TMC1: variants seen among roughly 807,000 people sequenced by gnomAD.
TMC1 encodes the protein transmembrane channel like 1.
In TMC1, 84 loss-of-function variants were observed where a neutral mutation model predicts 105.8. The ratio of observed to expected loss-of-function variants is 0.79; its 90% CI spans 0.67 to 0.95. TMC1 has a LOEUF of 0.95. Ranked by LOEUF, TMC1 falls within the 40% of genes least tolerant of loss-of-function variation. The probability of loss-of-function intolerance (pLI) is 0.00; values close to 1 mark genes in which losing one functional copy is unlikely to be tolerated. For missense variants in TMC1, 817 were observed against 914.1 expected (o/e 0.89, Z 1.37); for synonymous variants, 315 against 311.5 (o/e 1.01, Z -0.12).
At chr9:72,751,702 A>G (rs1827582359) in intron 10 of TMC1, 148 bp from the exon 11 acceptor site, 1 of 640,560 alleles carries the variant, frequency 1.6e-6, no homozygotes, top group South Asian at 1.8e-5. Flanking sequence ...TCCTGAATAG[A>G]GAGAAAAGAA....
intron 4 of TMC1, 116 bp from the exon 5 acceptor site, chr9:72,648,481 A>T: frequency 1.4e-6 from 1 of 695,156 alleles, no homozygotes; most frequent in Non-Finnish European, 2.6e-6. Flanking sequence ...TGAGGAAATG[A>T]GTACCTTCTT....
chr9:72,821,427 AG>A (rs1467030002), intron 20 of TMC1, among the ~76,000 whole-genome samples: 1 of 151,732 alleles, frequency 6.6e-6, no homozygotes, highest in African/African-American at 2.4e-5. Context: ...ACTTGAGCTC[AG>A]GAGGCGGAGG....
intron 13 of TMC1, among the ~76,000 whole-genome samples, chr9:72,777,306 A>G (rs997652274): frequency 1.3e-5 from 2 of 151,936 alleles, no homozygotes; most frequent in African/African-American, 4.8e-5. Flanking sequence ...TCCCACCCCC[A>G]ATTAATTTTT....
At chr9:72,565,460 T>C (rs1269703248) in intron 1 of TMC1, among the ~76,000 whole-genome samples, 1 of 152,178 alleles carries the variant, frequency 6.6e-6, no homozygotes, top group East Asian at 1.9e-4. Flanking sequence ...ACTGACTCTA[T>C]GTGTAAGAAA....
At chr9:72,702,296 C>G (rs978985342) in intron 8 of TMC1, among the ~76,000 whole-genome samples, 3 of 152,126 alleles carry the variant, frequency 2.0e-5, no homozygotes, top group Admixed American at 2.0e-4. Flanking sequence ...AAATACCCCC[C>G]TGGTCTTTGC....
intron 5 of TMC1, among the ~76,000 whole-genome samples, chr9:72,685,440 T>G (rs1826365190): frequency 6.6e-6 from 1 of 150,558 alleles, no homozygotes; most frequent in Admixed American, 6.6e-5. Flanking sequence ...CTCGGCTCAC[T>G]GCAACCTCTG....
At chr9:72,602,054 C>T (rs1296157590) in intron 2 of TMC1, among the ~76,000 whole-genome samples, 5 of 152,102 alleles carry the variant, frequency 3.3e-5, no homozygotes, top group African/African-American at 9.7e-5. Context: ...GCACCTGTCA[C>T]GTGAGGTCAG....
intron 23 of TMC1, among the ~76,000 whole-genome samples, chr9:72,832,826 ATAATT>A (rs1193408844): frequency 1.3e-5 from 2 of 152,146 alleles, no homozygotes; most frequent in African/African-American, 2.4e-5. Context: ...ACATGTGTGC[ATAATT>A]TAGAGTTCCA....
intron 8 of TMC1, among the ~76,000 whole-genome samples, chr9:72,708,120 T>A (rs1438806971): frequency 6.6e-6 from 1 of 152,252 alleles, no homozygotes; most frequent in African/African-American, 2.4e-5. Context: ...TCCATTGGTC[T>A]ATGTGCCTAT....
chr9:72,778,702 C>G (rs899214282), intron 13 of TMC1, among the ~76,000 whole-genome samples: 4 of 152,188 alleles, frequency 2.6e-5, no homozygotes, highest in Non-Finnish European at 5.9e-5. Flanking sequence ...GGCTGTCTTG[C>G]CCATGGAATG....
chr9:72,713,216 G>A lies in TMC1; in HGVS notation c.362+12573G>A, dbSNP rs895283522. Among the ~76,000 whole-genome samples the A allele has an allele frequency of 3.3e-5, 5 of 152,122 alleles. No individual in the cohort carries two copies. In the East Asian group the frequency reaches 9.6e-4, roughly 29 times the overall value. The stretch of plus-strand genomic sequence containing the variant: ...GATCTTTGCATTGATGTTCATCAGG[G>A]ATATTGGCCTGAAATTTTCTTTTTT... On this transcript the variant is annotated intron_variant, in intron 8 of 23. Transcript: ENST00000297784.
At chr9:72,754,543 G>A (rs1161012401) in intron 11 of TMC1, among the ~76,000 whole-genome samples, 1 of 152,178 alleles carries the variant, frequency 6.6e-6, no homozygotes, top group African/African-American at 2.4e-5. Context: ...AGCCCTCTGG[G>A]GAATGTGGTT....
At chr9:72,682,265 T>C (rs1169667528) in intron 5 of TMC1, among the ~76,000 whole-genome samples, 2 of 152,210 alleles carry the variant, frequency 1.3e-5, no homozygotes, top group African/African-American at 4.8e-5. Context: ...GAAGATAAGA[T>C]ACTGGTACAC....
At chr9:72,718,714 T>C (rs1315272107) in intron 8 of TMC1, among the ~76,000 whole-genome samples, 2 of 152,134 alleles carry the variant, frequency 1.3e-5, no homozygotes, top group East Asian at 3.9e-4. Context: ...CAAGAGTACG[T>C]CAGCTGTGGT....
intron 5 of TMC1, among the ~76,000 whole-genome samples, chr9:72,684,734 C>A (rs1054275697): frequency 1.3e-5 from 2 of 152,302 alleles, no homozygotes; most frequent in African/African-American, 4.8e-5. Flanking sequence ...TGATCTTTAA[C>A]AGCTCCTACC....
At chr9:72,794,025 C>G (rs925335809) in intron 17 of TMC1, among the ~76,000 whole-genome samples, 3 of 152,162 alleles carry the variant, frequency 2.0e-5, no homozygotes, top group Non-Finnish European at 4.4e-5. Context: ...CTCCAATAAG[C>G]TGCAGTTGAC....
chr9:72,578,311 C>T (rs1274897837), intron 2 of TMC1: 1 of 146,314 alleles, frequency 6.8e-6, no homozygotes, highest in African/African-American at 2.6e-5. Flanking sequence ...TGTGTATTTT[C>T]TGATCTCCCT....
At chr9:72,691,462 A>G (rs757219074) in intron 6 of TMC1, among the ~76,000 whole-genome samples, 1 of 152,200 alleles carries the variant, frequency 6.6e-6, no homozygotes, top group Non-Finnish European at 1.5e-5. Flanking sequence ...TTAGCCTTGT[A>G]CAGGAGAAGA....
intron 4 of TMC1, among the ~76,000 whole-genome samples, chr9:72,638,403 A>C (rs1825569476): frequency 6.6e-6 from 1 of 152,040 alleles, no homozygotes; most frequent in Non-Finnish European, 1.5e-5. Flanking sequence ...GGATTTGACT[A>C]TTCTAATTCC....
Sources: gnomAD v4.1 joint callset for allele counts (sites outside exome capture counted in the v4.1 genomes callset) on GRCh38, gnomAD v4.1.1 for gene constraint, MANE v1.5 for transcripts, NCBI Gene and HGNC (gene_info 2026-07-23, HGNC 2026-07-21) for gene names.